The following CA10 variants were observed in gnomAD, a reference collection of about 807,000 sequenced individuals.
CA10 encodes the protein carbonic anhydrase-related protein 10.
A neutral mutation model predicts 44.2 loss-of-function variants in CA10; 14 were observed. That is an observed-to-expected ratio of 0.32 (90% confidence interval 0.21 to 0.50). The LOEUF (loss-of-function observed/expected upper bound fraction) is 0.50. Ranked by LOEUF, CA10 falls within the 20% of genes least tolerant of loss-of-function variation. The pLI, the probability that CA10 is intolerant of heterozygous loss-of-function variation, is 0.99. For missense variants in CA10, 350 were observed against 409.7 expected, an observed-to-expected ratio of 0.85 and a Z score of 1.26; for synonymous variants, 159 against 141.6, an observed-to-expected ratio of 1.12 and a Z score of -0.87.
chr17:52,086,483 T>C (rs1316770406), intron 1 of CA10, among the ~76,000 whole-genome samples: 1 of 152,328 alleles, frequency 6.6e-6, no homozygotes, highest in East Asian at 1.9e-4. Context: ...CTAGAAATAA[T>C]ATTCACTACT....
At chr17:51,711,182 G>A (rs1211592969) in intron 4 of CA10, among the ~76,000 whole-genome samples, 3 of 152,138 alleles carry the variant, frequency 2.0e-5, no homozygotes, top group Non-Finnish European at 4.4e-5. Context: ...CTGTGAAAAT[G>A]ATTAGGCAGG....
intron 1 of CA10, among the ~76,000 whole-genome samples, chr17:52,133,874 G>C (rs1437468403): frequency 6.6e-6 from 1 of 152,174 alleles, no homozygotes; most frequent in Non-Finnish European, 1.5e-5. Flanking sequence ...TTAATGAATA[G>C]AAGATTAATG....
At chr17:51,706,429 C>T (rs946308826) in intron 4 of CA10, among the ~76,000 whole-genome samples, 36 of 152,266 alleles carry the variant, frequency 2.4e-4, no homozygotes, top group Non-Finnish European at 4.1e-4. Flanking sequence ...TTTGTGTTGG[C>T]TCTCCTTTCA....
intron 2 of CA10, among the ~76,000 whole-genome samples, chr17:51,959,403 G>A (rs1983797964): frequency 6.6e-6 from 1 of 151,686 alleles, no homozygotes; most frequent in South Asian, 2.1e-4. Flanking sequence ...CATGGGAAGT[G>A]TGAAATAGCA....
At chr17:51,951,610 T>A (rs926149963) in intron 2 of CA10, among the ~76,000 whole-genome samples, 1 of 152,190 alleles carries the variant, frequency 6.6e-6, no homozygotes, top group African/African-American at 2.4e-5. Context: ...TTGTCCTCCA[T>A]GCAAAAATTT....
chr17:51,987,991 T>G (rs950240886), intron 2 of CA10, among the ~76,000 whole-genome samples: 5 of 152,164 alleles, frequency 3.3e-5, no homozygotes, highest in African/African-American at 1.2e-4. Flanking sequence ...TCTTCAATAC[T>G]CTAATAGATA....
At chr17:52,089,170 T>C (rs1988196670) in intron 1 of CA10, among the ~76,000 whole-genome samples, 1 of 152,160 alleles carries the variant, frequency 6.6e-6, no homozygotes, top group African/African-American at 2.4e-5. Flanking sequence ...GTCAAAAAGA[T>C]AGGATAGGAA....
chr17:52,056,328 A>C (rs1987229807), intron 2 of CA10, among the ~76,000 whole-genome samples: 1 of 152,072 alleles, frequency 6.6e-6, no homozygotes, highest in Admixed American at 6.6e-5. Flanking sequence ...ATTGGAATGC[A>C]AAAATCATAA....
At chr17:51,962,858 C>T (rs1441390952) in intron 2 of CA10, among the ~76,000 whole-genome samples, 3 of 152,020 alleles carry the variant, frequency 2.0e-5, no homozygotes, top group Admixed American at 6.6e-5. Context: ...ATTCTGGCAC[C>T]ATGAAAAATC....
intron 2 of CA10, among the ~76,000 whole-genome samples, chr17:52,031,323 T>A (rs985717236): frequency 5.9e-5 from 9 of 152,022 alleles, no homozygotes; most frequent in African/African-American, 2.2e-4. Flanking sequence ...CGAATTTTTG[T>A]ATTTTTAGTA....
intron 3 of CA10, among the ~76,000 whole-genome samples, chr17:51,804,733 CTA>C (rs2143725609): frequency 6.6e-6 from 1 of 152,252 alleles, no homozygotes; most frequent in South Asian, 2.1e-4. Flanking sequence ...TGAAAACTTT[CTA>C]GCTCATTTTT....
chr17:52,105,151 A>C (rs2143263175), intron 1 of CA10, among the ~76,000 whole-genome samples: 1 of 113,094 alleles, frequency 8.8e-6, no homozygotes, highest in Non-Finnish European at 2.0e-5. Context: ...ATCTGTATTC[A>C]AGCTCCCAGA....
chr17:51,963,774 C>T (rs1983979533), intron 2 of CA10, among the ~76,000 whole-genome samples: 1 of 152,250 alleles, frequency 6.6e-6, no homozygotes, highest in South Asian at 2.1e-4. Flanking sequence ...GAATTATAAA[C>T]ATGGAGACAA....
chr17:51,941,725 A>T (rs996845727), intron 2 of CA10, among the ~76,000 whole-genome samples: 1 of 152,164 alleles, frequency 6.6e-6, no homozygotes, highest in Non-Finnish European at 1.5e-5. Flanking sequence ...CCAGAAAAAA[A>T]TAATATGACC....
intron 2 of CA10, among the ~76,000 whole-genome samples, chr17:51,995,109 A>G (rs1445903063): frequency 2.0e-5 from 3 of 152,116 alleles, no homozygotes; most frequent in Non-Finnish European, 4.4e-5. Context: ...CCATATAAGA[A>G]GAAAGAGAAT....
intron 3 of CA10, among the ~76,000 whole-genome samples, chr17:51,840,379 A>G (rs1364195992): frequency 6.6e-6 from 1 of 152,180 alleles, no homozygotes; most frequent in African/African-American, 2.4e-5. Context: ...ACAAAAAGGC[A>G]GAATGCAGTA....
At chr17:51,808,324 C>T (rs1362183945) in intron 3 of CA10, among the ~76,000 whole-genome samples, 1 of 152,120 alleles carries the variant, frequency 6.6e-6, no homozygotes, top group Non-Finnish European at 1.5e-5. Flanking sequence ...TTGTTATTTC[C>T]TAATTAACTT....
chr17:52,138,311 C>T (rs924808605), intron 1 of CA10, among the ~76,000 whole-genome samples: 4 of 152,258 alleles, frequency 2.6e-5, no homozygotes, highest in Admixed American at 6.5e-5. Context: ...CCCAGATAAT[C>T]TAGGATAATC....
chr17:52,145,932 A>G (rs1455988461), intron 1 of CA10, among the ~76,000 whole-genome samples: 3 of 152,236 alleles, frequency 2.0e-5, no homozygotes, highest in African/African-American at 7.2e-5. Context: ...ACTTGGATAA[A>G]AACAAATGCC....
Sources: allele counts gnomAD v4.1 joint callset (sites outside exome capture counted in the v4.1 genomes callset), GRCh38; gene constraint gnomAD v4.1.1; transcripts MANE v1.5; gene names NCBI Gene and HGNC (gene_info 2026-07-23, HGNC 2026-07-21).